Variants in PDE1A observed in about 807,000 individuals in gnomAD.
PDE1A encodes phosphodiesterase 1A.
PDE1A carries 35 observed loss-of-function variants against 61.7 expected under a neutral mutation model. That is an observed-to-expected ratio of 0.57 (90% CI 0.43 to 0.75). The LOEUF (loss-of-function observed/expected upper bound fraction) is 0.75, where lower values mean the gene tolerates loss of function less well. Ranked by LOEUF, PDE1A falls within the 30% of genes least tolerant of loss-of-function variation. PDE1A has a pLI of 0.00. For missense variants in PDE1A, 597 were observed against 630.6 expected (o/e 0.95, Z 0.57); for synonymous variants, 232 against 213.2 (o/e 1.09, Z -0.77).
intron 1 of PDE1A, among the ~76,000 whole-genome samples, chr2:182,407,319 G>T (rs1363596181): frequency 1.0e-5 from 1 of 100,502 alleles, no homozygotes; most frequent in African/African-American, 3.3e-5. Flanking sequence ...GTTTATAATT[G>T]TTCAGGATAA....
chr2:182,413,312 G>A (rs1341733140), intron 1 of PDE1A, among the ~76,000 whole-genome samples: 1 of 152,164 alleles, frequency 6.6e-6, no homozygotes, highest in African/African-American at 2.4e-5. Flanking sequence ...GAGAACCAAG[G>A]AACTGTGGAA....
At chr2:182,565,181 G>T in the PDE1A span, among the ~76,000 whole-genome samples, 2 of 152,124 alleles carry the variant, frequency 1.3e-5, no homozygotes, top group Non-Finnish European at 2.9e-5. Flanking sequence ...CATCTTTGTG[G>T]TTTTATCTAC....
chr2:182,222,865 C>A (rs892619470), intron 7 of PDE1A, among the ~76,000 whole-genome samples: 3 of 151,992 alleles, frequency 2.0e-5, no homozygotes, highest in Non-Finnish European at 2.9e-5. Context: ...ATTTCAGGAT[C>A]CCACACATGT....
At chr2:182,451,756 G>C (rs774848067) in intron 2 of PDE1A, among the ~76,000 whole-genome samples, 1 of 152,118 alleles carries the variant, frequency 6.6e-6, no homozygotes, top group Non-Finnish European at 1.5e-5. Context: ...AGGATGCTCA[G>C]AGTTGTGCAG....
chr2:182,439,081 A>G (rs1427632927), intron 2 of PDE1A, among the ~76,000 whole-genome samples: 1 of 152,010 alleles, frequency 6.6e-6, no homozygotes, highest in East Asian at 1.9e-4. Flanking sequence ...GAAAAAGAAA[A>G]AGGATTCTAA....
chr2:182,212,064 G>A (rs973576447), intron 7 of PDE1A, among the ~76,000 whole-genome samples: 1 of 151,994 alleles, frequency 6.6e-6, no homozygotes, highest in African/African-American at 2.4e-5. Flanking sequence ...TGTGAGAGGG[G>A]ACATCTTCCC....
the PDE1A span, among the ~76,000 whole-genome samples, chr2:182,568,623 C>CTG: frequency 6.6e-6 from 1 of 152,160 alleles, no homozygotes; most frequent in African/African-American, 2.4e-5. Flanking sequence ...CGAGATCACA[C>CTG]CACTGCCCTC....
At chr2:182,361,645 T>G (rs1699519006) in intron 1 of PDE1A, among the ~76,000 whole-genome samples, 1 of 152,096 alleles carries the variant, frequency 6.6e-6, no homozygotes, top group East Asian at 1.9e-4. Context: ...AGGAAATTGA[T>G]AGTAAATCAT....
At chr2:182,430,899 T>C (rs1431631322), upstream of PDE1A, among the ~76,000 whole-genome samples, 2 of 118,274 alleles carry the variant, frequency 1.7e-5, no homozygotes, top group Non-Finnish European at 3.4e-5. Context: ...TAGGTGGGAA[T>C]TGAACAATGA....
chr2:182,144,735 C>T (rs910705147), downstream of PDE1A, among the ~76,000 whole-genome samples: 1 of 152,208 alleles, frequency 6.6e-6, no homozygotes, highest in Non-Finnish European at 1.5e-5. Context: ...AAATTTGCAA[C>T]AGAAACCCTG....
chr2:182,296,912 A>G (rs1694923929), intron 1 of PDE1A, among the ~76,000 whole-genome samples: 1 of 152,164 alleles, frequency 6.6e-6, no homozygotes, highest in African/African-American at 2.4e-5. Context: ...TTCCTAATTG[A>G]GCTGGAATGT....
chr2:182,404,921 T>C (rs1702218240), intron 1 of PDE1A, among the ~76,000 whole-genome samples: 1 of 152,206 alleles, frequency 6.6e-6, no homozygotes, highest in Non-Finnish European at 1.5e-5. Flanking sequence ...CAATAAAAAG[T>C]ATAGCATAAC....
At chr2:182,177,518 A>G (rs1170687290) in intron 13 of PDE1A, among the ~76,000 whole-genome samples, 1 of 152,126 alleles carries the variant, frequency 6.6e-6, no homozygotes, top group African/African-American at 2.4e-5. Context: ...TAAATAGGGA[A>G]TCCTTTCCCT....
At chr2:182,298,089 G>C (rs761152326) in intron 1 of PDE1A, among the ~76,000 whole-genome samples, 2 of 152,174 alleles carry the variant, frequency 1.3e-5, no homozygotes, top group African/African-American at 2.4e-5. Flanking sequence ...ATTTCTGGCT[G>C]TAATTGCAGT....
chr2:182,527,887 C>T (rs1488606373), upstream of PDE1A, among the ~76,000 whole-genome samples: 1 of 152,060 alleles, frequency 6.6e-6, no homozygotes, highest in Non-Finnish European at 1.5e-5. Flanking sequence ...CTCTCGTCTG[C>T]CACCATGTAA....
chr2:182,184,038 G>GAAA (rs879677542), intron 13 of PDE1A, among the ~76,000 whole-genome samples: 26 of 124,390 alleles, frequency 2.1e-4, no homozygotes, highest in Non-Finnish European at 3.6e-4. Flanking sequence ...AAGAAAGAAA[G>GAAA]AAAGAAAGAA....
intron 2 of PDE1A, among the ~76,000 whole-genome samples, chr2:182,450,341 C>T (rs1479943255): frequency 1.3e-5 from 2 of 152,036 alleles, no homozygotes; most frequent in African/African-American, 4.8e-5. Context: ...TAAAGTGCCA[C>T]ATTGAGCTAG....
intron 1 of PDE1A, among the ~76,000 whole-genome samples, chr2:182,350,800 C>A (rs894408525): frequency 6.6e-6 from 1 of 152,102 alleles, no homozygotes; most frequent in Admixed American, 6.5e-5. Context: ...TAGAGTCCCC[C>A]AGGACCCAGC....
At chr2:182,456,428 T>A (rs377428645) in intron 2 of PDE1A, among the ~76,000 whole-genome samples, 94 of 152,232 alleles carry the variant, frequency 6.2e-4, no homozygotes, top group African/African-American at 2.0e-3. Flanking sequence ...CTAAATTTTA[T>A]AAATGACGTA....
Sources: allele counts gnomAD v4.1 joint callset (sites outside exome capture counted in the v4.1 genomes callset), GRCh38; gene constraint gnomAD v4.1.1; transcripts MANE v1.5; gene names NCBI Gene and HGNC (gene_info 2026-07-23, HGNC 2026-07-21).